Variants in MAF observed in about 807,000 individuals in gnomAD.
The protein encoded by MAF is MAF bZIP transcription factor, also known as transcription factor Maf.
Under a neutral mutation model 22.0 loss-of-function variants are expected in MAF, and 10 were observed. The ratio of observed to expected loss-of-function variants is 0.45; its 90% CI spans 0.28 to 0.77. The LOEUF (loss-of-function observed/expected upper bound fraction) is 0.77. Ranked by LOEUF, MAF falls within the 30% of genes least tolerant of loss-of-function variation. The probability of loss-of-function intolerance (pLI) is 0.12; values close to 1 mark genes in which losing one functional copy is unlikely to be tolerated. For missense variants in MAF, 544 were observed against 548.4 expected, an observed-to-expected ratio of 0.99 and a Z score of 0.08; for synonymous variants, 337 against 255.8, an observed-to-expected ratio of 1.32 and a Z score of -3.03.
At chr16:79,596,065 C>T in intron 1 of MAF, 1 of 1,062,120 alleles carries the variant, frequency 9.4e-7, no homozygotes, top group African/African-American at 1.6e-5. Context: ...CGCTGTTTCT[C>T]TTTACCGTTC....
At chr16:79,550,997 C>A in the MAF span, among the ~76,000 whole-genome samples, 1 of 152,156 alleles carries the variant, frequency 6.6e-6, no homozygotes, top group African/African-American at 2.4e-5. Context: ...GCCTCACAGA[C>A]AGCAGAGATC....
the MAF span, among the ~76,000 whole-genome samples, chr16:79,501,029 C>T: frequency 1.3e-5 from 2 of 152,182 alleles, no homozygotes; most frequent in African/African-American, 4.8e-5. Context: ...TTGCCTAGGG[C>T]TTCCATAAAG....
chr16:79,530,867 C>T, the MAF span, among the ~76,000 whole-genome samples: 7 of 152,252 alleles, frequency 4.6e-5, no homozygotes, highest in South Asian at 1.5e-3. Flanking sequence ...GAAATGATTA[C>T]TTGTGAGCCA....
the MAF span, among the ~76,000 whole-genome samples, chr16:79,349,312 G>C: frequency 6.6e-6 from 1 of 152,152 alleles, no homozygotes; most frequent in African/African-American, 2.4e-5. Context: ...TTGTCCTCCT[G>C]TGATGAGGCA....
chr16:79,537,361 A>G, the MAF span, among the ~76,000 whole-genome samples: 3 of 152,174 alleles, frequency 2.0e-5, no homozygotes, highest in African/African-American at 4.8e-5. Context: ...AGTACCAGGT[A>G]TTTTGATGAG....
At chr16:79,331,531 G>A in the MAF span, among the ~76,000 whole-genome samples, 1 of 152,290 alleles carries the variant, frequency 6.6e-6, no homozygotes, top group South Asian at 2.1e-4. Context: ...AGAACAGAAG[G>A]TTTCCAAGAC....
chr16:79,410,525 GC>G, the MAF span, among the ~76,000 whole-genome samples: 2 of 152,258 alleles, frequency 1.3e-5, no homozygotes, highest in African/African-American at 4.8e-5. Flanking sequence ...TATGAATCGT[GC>G]CCTGCGCTGG....
the MAF span, among the ~76,000 whole-genome samples, chr16:79,260,874 T>C: frequency 2.0e-5 from 3 of 152,058 alleles, no homozygotes; most frequent in African/African-American, 4.8e-5. Flanking sequence ...AAACTATTTG[T>C]ATAGCAAAGT....
At chr16:79,253,984 A>G in the MAF span, among the ~76,000 whole-genome samples, 1 of 149,384 alleles carries the variant, frequency 6.7e-6, no homozygotes, top group Non-Finnish European at 1.5e-5. Context: ...TCCCTTCCTG[A>G]TGTTGCTGGG....
chr16:79,437,498 C>G, the MAF span, among the ~76,000 whole-genome samples: 1 of 151,982 alleles, frequency 6.6e-6, no homozygotes, highest in East Asian at 1.9e-4. Context: ...GACTTTGCAT[C>G]CCATTTTACA....
the MAF span, among the ~76,000 whole-genome samples, chr16:79,406,906 A>T: frequency 6.6e-6 from 1 of 152,160 alleles, no homozygotes; most frequent in East Asian, 1.9e-4. Flanking sequence ...TCCCAGAGCC[A>T]GTAGGGGCTG....
chr16:79,323,924 G>T, the MAF span, among the ~76,000 whole-genome samples: 2 of 152,262 alleles, frequency 1.3e-5, no homozygotes, highest in African/African-American at 2.4e-5. Context: ...AGAGAGGTGG[G>T]TAGATATTTA....
intron 1 of MAF, among the ~76,000 whole-genome samples, chr16:79,587,021 G>T (rs1442200564): frequency 6.6e-6 from 1 of 152,136 alleles, no homozygotes; most frequent in Admixed American, 6.5e-5. Flanking sequence ...GAATTCTCTA[G>T]GCTGCTGTAA....
At chr16:79,208,481 A>G in the MAF span, among the ~76,000 whole-genome samples, 1 of 152,224 alleles carries the variant, frequency 6.6e-6, no homozygotes, top group Non-Finnish European at 1.5e-5. Flanking sequence ...ATTGATGACA[A>G]CTGGCAAGGT....
the MAF span, among the ~76,000 whole-genome samples, chr16:79,497,889 T>C: frequency 1.3e-5 from 2 of 152,352 alleles, no homozygotes; most frequent in African/African-American, 4.8e-5. Flanking sequence ...TTGTTCCCTA[T>C]TGACTCATGT....
the MAF span, among the ~76,000 whole-genome samples, chr16:79,211,034 A>AGGGTGTGT: frequency 1.7e-4 from 26 of 149,602 alleles, no homozygotes; most frequent in African/African-American, 6.1e-4. Flanking sequence ...TATGGTGAGG[A>AGGGTGTGT]GTGTGTGTGT....
the MAF span, among the ~76,000 whole-genome samples, chr16:79,209,167 C>G: frequency 6.6e-6 from 1 of 152,184 alleles, no homozygotes; most frequent in African/African-American, 2.4e-5. Context: ...AGGTATGGCT[C>G]TCAGCATTGT....
downstream of MAF, among the ~76,000 whole-genome samples, chr16:79,589,931 T>A (rs1913089844): frequency 6.6e-6 from 1 of 152,114 alleles, no homozygotes; most frequent in African/African-American, 2.4e-5. Context: ...ACCGGCTCCC[T>A]GGGCACTGCC....
chr16:79,265,726 C>T, the MAF span, among the ~76,000 whole-genome samples: 1 of 152,204 alleles, frequency 6.6e-6, no homozygotes, highest in Non-Finnish European at 1.5e-5. Flanking sequence ...AATGTTTTTC[C>T]TATCCTTAAG....
Sources: gnomAD v4.1 joint callset for allele counts (sites outside exome capture counted in the v4.1 genomes callset) on GRCh38, gnomAD v4.1.1 for gene constraint, MANE v1.5 for transcripts, NCBI Gene and HGNC (gene_info 2026-07-23, HGNC 2026-07-21) for gene names.